CERK: variants seen among roughly 807,000 people sequenced by gnomAD.
CERK encodes ceramide kinase.
In CERK, 39 loss-of-function variants were observed where a neutral mutation model predicts 63.4. The ratio of observed to expected loss-of-function variants is 0.61; its 90% confidence interval spans 0.48 to 0.80. The LOEUF is 0.80. Among genes scored for constraint, CERK ranks in the 30% least tolerant of loss-of-function variants. The pLI, the probability that CERK is intolerant of heterozygous loss-of-function variation, is 0.00. For synonymous variants in CERK, 302 were observed against 280.0 expected, an observed-to-expected ratio of 1.08 and a Z score of -0.78; for missense variants, 670 against 714.1, an observed-to-expected ratio of 0.94 and a Z score of 0.70.
At chr22:46,704,961 C>A (rs944018176) in intron 6 of CERK, among the ~76,000 whole-genome samples, 1 of 152,116 alleles carries the variant, frequency 6.6e-6, no homozygotes, top group African/African-American at 2.4e-5. Context: ...TGGCCTCACA[C>A]ATAATGAAAG....
chr22:46,702,528 T>A (rs2082792233), intron 6 of CERK, among the ~76,000 whole-genome samples: 1 of 152,132 alleles, frequency 6.6e-6, no homozygotes, highest in Admixed American at 6.5e-5. Context: ...GTTGACCTCG[T>A]GATCCGCCCG....
At chr22:46,734,087 T>TAC (rs1491165283) in intron 1 of CERK, among the ~76,000 whole-genome samples, 1 of 142,166 alleles carries the variant, frequency 7.0e-6, no homozygotes, top group Non-Finnish European at 1.6e-5. Flanking sequence ...TATATATATA[T>TAC]ACATTTTCCT....
chr22:46,722,640 A>C (rs1005929273), intron 1 of CERK, among the ~76,000 whole-genome samples: 1 of 149,234 alleles, frequency 6.7e-6, no homozygotes, highest in African/African-American at 2.5e-5. Flanking sequence ...GCTCACCGCA[A>C]CCTCCACCTC....
rs554272491 is a variant in CERK, at chr22:46,714,459, T to G, written c.380-2166A>C. Among the ~76,000 whole-genome samples, 3 of 152,240 alleles carry G rather than the reference T, an allele frequency of 2.0e-5. No homozygotes were observed. The highest frequency in any genetic ancestry group is 7.2e-5 in the African/African-American group (3 of 41,548). On this transcript the variant is annotated intron_variant, in intron 3 of 12. Coordinates refer to ENST00000216264, the MANE Select transcript of CERK (RefSeq NM_022766.6). The surrounding 1 kb of genome is among the most constrained non-coding windows in gnomAD (Gnocchi z 4.4). ...ACATTACTCCAGATTCTACCAATAT[T>G]ACAAAGAAAATGAAAGAATTTACTA...
intron 3 of CERK, among the ~76,000 whole-genome samples, chr22:46,716,156 C>A (rs964634726): frequency 1.2e-4 from 18 of 151,458 alleles, no homozygotes; most frequent in African/African-American, 3.6e-4. Flanking sequence ...TGCCACTGCA[C>A]TCCGGCCTGG....
intron 5 of CERK, among the ~76,000 whole-genome samples, chr22:46,710,758 A>G (rs539179558): frequency 6.6e-6 from 1 of 152,298 alleles, no homozygotes; most frequent in Admixed American, 6.5e-5. Context: ...AACTGTAAAA[A>G]CGACAGCATC....
chr22:46,737,930 T>C, intron 1 of CERK, 77 bp downstream of exon 1: 1 of 973,698 alleles, frequency 1.0e-6, no homozygotes, highest in Non-Finnish European at 1.3e-6. Flanking sequence ...CTGCACCCGG[T>C]CCCCCCAGCC....
chr22:46,708,117 C>G (rs949070626), intron 5 of CERK, 129 bp from the exon 6 acceptor site: 1 of 1,027,226 alleles, frequency 9.7e-7, no homozygotes, highest in Non-Finnish European at 1.4e-6. Context: ...AGAAGTGCGG[C>G]TCCTGAAATG....
chr22:46,735,256 C>A (rs1348969670), intron 1 of CERK: 1 of 152,332 alleles, frequency 6.6e-6, no homozygotes, highest in African/African-American at 2.4e-5. Flanking sequence ...CTACTTCCCA[C>A]CAGGCTGGCG....
chr22:46,691,621 C>G lies in CERK; in HGVS notation c.1283G>C (p.Arg428Thr), dbSNP rs1471011274. The part of the protein sequence containing the change: ...SDLILIRKCS[R>T]FNFLRFLIRH... ...GATGAGAAATCTCAGAAAATTGAAC[C>G]TGGAGCATTTCCGGATGAGGATGAG... The change falls in exon 11 of 13, where the codon AGG (arginine) becomes ACG (threonine). Residue 428 changes from arginine to threonine, a missense_variant. Physicochemically the swap from Arg to Thr is moderately conservative, Grantham distance 71. Transcript: ENST00000216264. 1.9e-6 allele frequency: 3 copies of G among 1,613,882 alleles called. No homozygotes were observed. The highest frequency in any genetic ancestry group is 2.5e-6 in the Non-Finnish European group (3 of 1,180,020).
At chr22:46,694,448 G>A (rs567709192) in intron 9 of CERK, among the ~76,000 whole-genome samples, 39 of 152,156 alleles carry the variant, frequency 2.6e-4, no homozygotes, top group Non-Finnish European at 4.9e-4. Context: ...AGCCTGCAGT[G>A]GCCAAACTGG....
At chr22:46,711,913 C>G (rs1280652619) in intron 4 of CERK, among the ~76,000 whole-genome samples, 4 of 152,078 alleles carry the variant, frequency 2.6e-5, no homozygotes, top group Non-Finnish European at 5.9e-5. Context: ...TATGGTGAAA[C>G]CCCGCCTATA....
intron 7 of CERK, among the ~76,000 whole-genome samples, chr22:46,700,584 A>G (rs1200024752): frequency 6.6e-6 from 1 of 152,110 alleles, no homozygotes; most frequent in Non-Finnish European, 1.5e-5. Context: ...GTAGTGGTGC[A>G]CTTCTGCAAT....
At chr22:46,735,298 G>A (rs1200632881) in intron 1 of CERK, 1 of 152,254 alleles carries the variant, frequency 6.6e-6, no homozygotes, top group Non-Finnish European at 1.5e-5. Flanking sequence ...GGCTTCCTCA[G>A]GTGCAGACCT....
chr22:46,710,553 T>C (rs1213366472), intron 5 of CERK, among the ~76,000 whole-genome samples: 1 of 152,182 alleles, frequency 6.6e-6, no homozygotes, highest in African/African-American at 2.4e-5. Context: ...GGAATTTACC[T>C]TAAAAATGTA....
At position 46,699,484 on chromosome 22, in the gene CERK, G is replaced by T. The variant is rs200629892; in HGVS notation, c.791-19C>A. 1 of 1,612,848 alleles carries T rather than the reference G, an allele frequency of 6.2e-7. No homozygotes were observed. The highest frequency in any genetic ancestry group is 1.1e-5 in the South Asian group (1 of 91,038). The stretch of plus-strand genomic sequence containing the variant: ...GAGTCCCCTGTGGGAGAGAACGGCC[G>T]TGAGGGAAGGCAGCCCCCCTCCAGC... On this transcript the variant is annotated intron_variant, in intron 7 of 12. Transcript: ENST00000216264.
Position 46,686,902 on chromosome 22 carries a change from C to G in CERK, c.*232G>C. On this transcript the variant is annotated 3_prime_UTR_variant, in exon 13 of 13. Coordinates refer to ENST00000216264, the MANE Select transcript of CERK (RefSeq NM_022766.6). ...GAGGCCAGTGCCCCCAAGTGAGCAGCTGCATCCGCTGAGAGTAAGCGGCGT... is the reference window on the plus strand; with the variant it reads ...GAGGCCAGTGCCCCCAAGTGAGCAGGTGCATCCGCTGAGAGTAAGCGGCGT... 2.0e-6 allele frequency: 1 copy of G among 508,670 alleles called. No individual in the cohort carries two copies. The highest frequency in any genetic ancestry group is 3.6e-6 in the Non-Finnish European group (1 of 281,336). 31.5% of individuals were successfully genotyped at this position (508,670 alleles called of 1,614,324 possible). A position where few individuals can be genotyped will look rare whatever the true frequency, so the allele number is the denominator to read the frequency against.
intron 11 of CERK, among the ~76,000 whole-genome samples, chr22:46,691,056 T>TATAC (rs1555982641): frequency 6.8e-6 from 1 of 147,194 alleles, no homozygotes; most frequent in African/African-American, 2.5e-5. Context: ...TATACATACA[T>TATAC]ACACACACAC....
chr22:46,719,148 T>TTGTGTG (rs10583580), intron 3 of CERK, among the ~76,000 whole-genome samples: 1,582 of 149,978 alleles, frequency 0.011, 29 homozygotes, highest in African/African-American at 0.034. Context: ...ACCTACCACT[T>TTGTGTG]TGTGTGTGTG....
Sources: allele counts gnomAD v4.1 joint callset (sites outside exome capture counted in the v4.1 genomes callset), GRCh38; gene constraint gnomAD v4.1.1; non-coding constraint Gnocchi (gnomAD v3.1); transcripts MANE v1.5; gene names NCBI Gene and HGNC (gene_info 2026-07-23, HGNC 2026-07-21).